DIS3L2: variants seen among roughly 807,000 people sequenced by gnomAD.
The protein encoded by DIS3L2 is DIS3 like 3'-5' exoribonuclease 2.
Under a neutral mutation model 97.5 loss-of-function variants are expected in DIS3L2, and 34 were observed. The observed-to-expected ratio is 0.35, with a 90% CI of 0.27 to 0.46. DIS3L2 has a LOEUF of 0.46. DIS3L2 is among the 20% of genes least tolerant of loss of function. The probability of loss-of-function intolerance (pLI) is 1.00; values close to 1 mark genes in which losing one functional copy is unlikely to be tolerated. For missense variants in DIS3L2, 1,038 were observed against 1,146.0 expected (o/e 0.91, Z 1.36); for synonymous variants, 435 against 445.2 (o/e 0.98, Z 0.29).
intron 11 of DIS3L2, among the ~76,000 whole-genome samples, chr2:232,248,723 A>T (rs1249904237): frequency 2.0e-5 from 3 of 152,134 alleles, no homozygotes; most frequent in Non-Finnish European, 4.4e-5. Flanking sequence ...CTGTTTTATC[A>T]CTCTAGTGAT....
chr2:231,981,598 T>TTA (rs10669283), intron 1 of DIS3L2, among the ~76,000 whole-genome samples: 10,731 of 83,770 alleles, frequency 0.13, 688 homozygotes, highest in South Asian at 0.16. Context: ...GTTAAGTATT[T>TTA]TATATATATA....
chr2:232,330,039 A>G (rs752236646), intron 15 of DIS3L2, 43 bp downstream of exon 15: 3 of 1,565,624 alleles, frequency 1.9e-6, no homozygotes, highest in South Asian at 2.3e-5. Context: ...GCTTGGGGGA[A>G]AGAAGAGAAA....
At position 232,108,154 on chromosome 2, in the gene DIS3L2, G is replaced by C. The variant is rs75098102; in HGVS notation, c.601+20433G>C. On this transcript the variant is annotated intron_variant, in intron 6 of 20. Transcript: ENST00000325385. ...CTCAAAAAAAATATTGGCAAACCGA[G>C]TTCAGCAGCTCATCAAAAAGCTGAT... Among the ~76,000 whole-genome samples the C allele has an allele frequency of 2.0e-3, 307 of 152,216 alleles. 12 individuals are homozygous for C. The East Asian group carries it at 0.053, about 26-fold the overall frequency.
chr2:232,205,210 A>G (rs1427583031), intron 9 of DIS3L2, among the ~76,000 whole-genome samples: 2 of 83,664 alleles, frequency 2.4e-5, no homozygotes, highest in East Asian at 1.7e-3. Context: ...AAGGCAGTTT[A>G]CATATATATA....
intron 1 of DIS3L2, among the ~76,000 whole-genome samples, chr2:231,970,109 T>G (rs546345958): frequency 7.9e-5 from 12 of 151,996 alleles, no homozygotes; most frequent in East Asian, 7.7e-4. Flanking sequence ...GCTGATTTTT[T>G]TTTGTTTGTT....
At chr2:232,047,584 T>C (rs1483992295) in intron 5 of DIS3L2, among the ~76,000 whole-genome samples, 1 of 152,218 alleles carries the variant, frequency 6.6e-6, no homozygotes, top group Non-Finnish European at 1.5e-5. Context: ...AACATAGAAT[T>C]CACCATTTTG....
At position 232,334,448 on chromosome 2, in the gene DIS3L2, C is replaced by T; in HGVS notation, c.2238C>T (p.Ser746=). The T allele has an allele frequency of 1.2e-6, 2 of 1,613,948 alleles. No homozygotes were observed. Among genetic ancestry groups the T allele is most frequent in the East Asian group, 2.2e-5 (1 of 44,880 alleles). ...ADHCNDRRMA[S]KRVQELSTSL... is the part of the protein sequence containing the mutation. ...ACTGTAACGACCGCCGCATGGCGTC[C>T]AAGCGCGTGCAGGAGCTCAGTACCA... Residue 746 remains serine (S), a synonymous_variant, in exon 18 of 21, where the codon TCC becomes TCT. Coordinates refer to ENST00000325385, the MANE Select transcript of DIS3L2 (RefSeq NM_152383.5).
chr2:231,969,603 G>A (rs568532209), intron 1 of DIS3L2, among the ~76,000 whole-genome samples: 8 of 152,242 alleles, frequency 5.3e-5, no homozygotes, highest in South Asian at 2.1e-4. Context: ...GAACCACTGC[G>A]CCTGGCGTCC....
chr2:232,263,528 C>T (rs1693775780), intron 13 of DIS3L2, 88 bp downstream of exon 13: 2 of 1,273,976 alleles, frequency 1.6e-6, no homozygotes, highest in South Asian at 1.3e-5. Flanking sequence ...GGCTTAGACT[C>T]TTCCTTCCTT....
chr2:232,204,459 T>C lies in DIS3L2; in HGVS notation c.1125-5867T>C, dbSNP rs114752255. On this transcript the variant is annotated intron_variant, in intron 9 of 20. Coordinates refer to ENST00000325385, the MANE Select transcript of DIS3L2 (RefSeq NM_152383.5). ...GTTTTCTGTCTCTTTAAAAAGTTCT[T>C]CTAAGCCCTTCAGTCACGTGCCTTC... Among the ~76,000 whole-genome samples the C allele has an allele frequency of 5.4e-3, 826 of 152,294 alleles. 3 individuals carry two copies. The highest frequency in any genetic ancestry group is 9.4e-3 in the African/African-American group (390 of 41,560).
rs780747005 is a variant in DIS3L2 at position 232,015,540 on chromosome 2, G to C, written c.79G>C (p.Asp27His). The C allele has an allele frequency of 1.2e-5, 20 of 1,613,872 alleles. No homozygotes were observed. The highest frequency in any genetic ancestry group is 1.6e-5 in the Non-Finnish European group (19 of 1,179,944). ...RGVSAVAGPH[D>H]IGASPGDKKS... is the part of the protein sequence containing the mutation. Reference sequence around the variant, plus strand: ...TGTGTCTGCTGTGGCTGGTCCACATGACATTGGTGCTTCGCCAGGTGACAA... The same window carrying C: ...TGTGTCTGCTGTGGCTGGTCCACATCACATTGGTGCTTCGCCAGGTGACAA... Residue 27 changes from aspartate (D) to histidine (H), a missense_variant, in exon 3 of 21, where the codon GAC (aspartate) becomes CAC (histidine). Physicochemically the swap from Asp to His is moderately conservative, Grantham distance 81. Transcript: ENST00000325385.
At chr2:232,271,535 G>A (rs946485370) in intron 13 of DIS3L2, among the ~76,000 whole-genome samples, 5 of 152,302 alleles carry the variant, frequency 3.3e-5, no homozygotes, top group African/African-American at 7.2e-5. Flanking sequence ...TACTTCAACC[G>A]TGGAGATAGT....
chr2:232,290,953 A>G (rs1249503474), intron 13 of DIS3L2, among the ~76,000 whole-genome samples: 2 of 152,220 alleles, frequency 1.3e-5, no homozygotes, highest in Non-Finnish European at 2.9e-5. Flanking sequence ...TACTGGAGAA[A>G]GGTTCTTTTT....
At chr2:232,063,620 G>C (rs547528518) in intron 5 of DIS3L2, among the ~76,000 whole-genome samples, 229 of 152,158 alleles carry the variant, frequency 1.5e-3, no homozygotes, top group African/African-American at 5.0e-3. Context: ...GACCTATGCT[G>C]CATTCTGCCA....
chr2:232,184,610 A>G (rs1691386083), intron 9 of DIS3L2, among the ~76,000 whole-genome samples: 1 of 152,180 alleles, frequency 6.6e-6, no homozygotes, highest in Non-Finnish European at 1.5e-5. Context: ...TGATCGCGCC[A>G]CTGCACTCCA....
intron 11 of DIS3L2, 79 bp from the exon 12 acceptor site, chr2:232,249,160 G>A (rs1052553691): frequency 8.6e-6 from 12 of 1,397,732 alleles, no homozygotes; most frequent in African/African-American, 2.8e-5. Context: ...AGCTGAAGCT[G>A]TTCACCAAAA....
At chr2:231,986,818 C>T (rs1693426724) in intron 1 of DIS3L2, among the ~76,000 whole-genome samples, 1 of 152,148 alleles carries the variant, frequency 6.6e-6, no homozygotes. Context: ...AATCTTTTAG[C>T]CTGTTTGTAG....
intron 6 of DIS3L2, among the ~76,000 whole-genome samples, chr2:232,090,780 A>G (rs1696813748): frequency 1.3e-5 from 2 of 152,196 alleles, no homozygotes; most frequent in South Asian, 4.1e-4. Flanking sequence ...TTGCTTTAGT[A>G]TTATGTTTCT....
intron 11 of DIS3L2, among the ~76,000 whole-genome samples, chr2:232,246,407 C>T (rs1057130115): frequency 6.6e-6 from 1 of 152,204 alleles, no homozygotes; most frequent in Non-Finnish European, 1.5e-5. Flanking sequence ...TGGGAAGGCC[C>T]ATGTGACTGG....
Sources: allele counts gnomAD v4.1 joint callset (sites outside exome capture counted in the v4.1 genomes callset), GRCh38; gene constraint gnomAD v4.1.1; transcripts MANE v1.5; gene names NCBI Gene and HGNC (gene_info 2026-07-23, HGNC 2026-07-21).